The following RPH3AL variants were observed in gnomAD, a reference collection of about 807,000 sequenced individuals.
RPH3AL encodes rab effector Noc2.
Under a neutral mutation model 43.1 loss-of-function variants are expected in RPH3AL, and 38 were observed. The observed-to-expected ratio is 0.88, with a 90% CI of 0.68 to 1.15. The LOEUF is 1.15. Among genes scored for constraint, RPH3AL ranks in the 50% most tolerant of loss-of-function variants. The probability of loss-of-function intolerance (pLI) is 0.00; values close to 1 mark genes in which losing one functional copy is unlikely to be tolerated. For missense variants in RPH3AL, 462 were observed against 423.2 expected, an observed-to-expected ratio of 1.09 and a Z score of -0.81; for synonymous variants, 189 against 176.3, an observed-to-expected ratio of 1.07 and a Z score of -0.57.
At chr17:278,481 A>G (rs557270867) in intron 6 of RPH3AL, among the ~76,000 whole-genome samples, 2 of 152,274 alleles carry the variant, frequency 1.3e-5, no homozygotes, top group East Asian at 3.9e-4. Flanking sequence ...AGATCTACCA[A>G]GCACACACAT....
At chr17:318,002 A>G (rs2044344352) in intron 5 of RPH3AL, among the ~76,000 whole-genome samples, 1 of 148,158 alleles carries the variant, frequency 6.7e-6, no homozygotes, top group South Asian at 2.1e-4. Context: ...TTATTTGATC[A>G]TTACTTGTTT....
At chr17:230,981 T>C (rs11150892) in intron 7 of RPH3AL, among the ~76,000 whole-genome samples, 146,103 of 152,296 alleles carry the variant, frequency 0.96, 70,202 homozygotes, top group African/African-American at 0.99. Flanking sequence ...CCATGGCACC[T>C]GGCCTCTTGC....
intron 6 of RPH3AL, among the ~76,000 whole-genome samples, chr17:266,499 G>A (rs184701620): frequency 1.8e-3 from 268 of 152,284 alleles, no homozygotes; most frequent in Non-Finnish European, 2.6e-3. Context: ...CAGAAGATGC[G>A]CTGGAAATCA....
intron 5 of RPH3AL, among the ~76,000 whole-genome samples, chr17:314,136 G>A (rs1344783040): frequency 6.6e-6 from 1 of 152,180 alleles, no homozygotes; most frequent in Admixed American, 6.5e-5. Flanking sequence ...ACTAACCGTT[G>A]CACAGCCACA....
At chr17:304,568 G>C (rs938092388) in intron 5 of RPH3AL, among the ~76,000 whole-genome samples, 1 of 152,156 alleles carries the variant, frequency 6.6e-6, no homozygotes. Context: ...AAGGAAGTCA[G>C]GCCCCTTCTC....
intron 6 of RPH3AL, among the ~76,000 whole-genome samples, chr17:258,924 C>G (rs936139601): frequency 1.3e-5 from 2 of 151,994 alleles, no homozygotes; most frequent in Non-Finnish European, 1.5e-5. Flanking sequence ...CCATGCCCGG[C>G]GAAGTCAACC....
At chr17:299,607 G>T (rs1367957555) in intron 5 of RPH3AL, among the ~76,000 whole-genome samples, 1 of 152,250 alleles carries the variant, frequency 6.6e-6, no homozygotes, top group African/African-American at 2.4e-5. Context: ...AACAGCTGCA[G>T]GGAAATGTCC....
Position 225,226 on chromosome 17 carries a change from C to T in RPH3AL, c.614-5490G>A, listed in dbSNP as rs2041082352. On this transcript the variant is annotated intron_variant, in intron 7 of 9. Coordinates refer to ENST00000331302, the MANE Select transcript of RPH3AL (RefSeq NM_006987.4). The surrounding 1 kb of genome is among the most constrained non-coding windows in gnomAD (Gnocchi z 4.4). ...CCTGCTCCCCAGGAAGAGTTCTACTCCGGCTCCTTGGACTTTTATGATGCC... is the reference window on the plus strand; with the variant it reads ...CCTGCTCCCCAGGAAGAGTTCTACTTCGGCTCCTTGGACTTTTATGATGCC... 6.6e-6 allele frequency among the ~76,000 whole-genome samples: 1 copy of T among 151,994 alleles called. No homozygotes were observed. Among genetic ancestry groups the T allele is most frequent in the African/African-American group, 2.4e-5 (1 of 41,356 alleles).
chr17:344,348 CCAT>C lies in RPH3AL; in HGVS notation c.-213+8361_-213+8363del, dbSNP rs1177484856. ...ATCACCATCACCGTCATCATTATTA[CCAT>C]CATCATCACCAACACCACTATCATA... is the stretch of plus-strand genomic sequence containing the variant. On this transcript the variant is annotated intron_variant, in intron 1 of 9. Coordinates refer to ENST00000331302, the MANE Select transcript of RPH3AL (RefSeq NM_006987.4). Among the ~76,000 whole-genome samples, 10 of 128,578 alleles carry C rather than the reference CCAT, an allele frequency of 7.8e-5. 3 individuals carry two copies. The highest frequency in any genetic ancestry group is 3.8e-4 in the Admixed American group (5 of 13,332). The allele number at this position is 128,578 out of a possible 152,430, so 84.4% of individuals were successfully genotyped here. A position where few individuals can be genotyped will look rare whatever the true frequency, so the allele number is the denominator to read the frequency against.
intron 5 of RPH3AL, among the ~76,000 whole-genome samples, chr17:310,576 A>G (rs994947891): frequency 6.6e-6 from 1 of 152,156 alleles, no homozygotes; most frequent in Non-Finnish European, 1.5e-5. Flanking sequence ...GGAGATAAAC[A>G]GGGAGGTGGC....
At chr17:275,010 G>A (rs531695072) in intron 6 of RPH3AL, among the ~76,000 whole-genome samples, 1 of 152,276 alleles carries the variant, frequency 6.6e-6, no homozygotes, top group African/African-American at 2.4e-5. Context: ...ACGTGGTCAC[G>A]GAGAAAACAG....
chr17:314,898 C>T (rs796209499), intron 5 of RPH3AL, among the ~76,000 whole-genome samples: 4 of 142,512 alleles, frequency 2.8e-5, no homozygotes, highest in Admixed American at 6.9e-5. Context: ...CTGTGCTCCA[C>T]CTCCATTGAC....
At chr17:348,535 GAA>G (rs56974223) in intron 1 of RPH3AL, among the ~76,000 whole-genome samples, 9 of 139,668 alleles carry the variant, frequency 6.4e-5, no homozygotes, top group African/African-American at 1.8e-4. Context: ...CACTGTTCAA[GAA>G]AAAAAAAAAA....
intron 7 of RPH3AL, among the ~76,000 whole-genome samples, chr17:241,387 C>A (rs960226010): frequency 1.3e-5 from 2 of 152,060 alleles, no homozygotes; most frequent in African/African-American, 4.8e-5. Context: ...CAGAGCAATA[C>A]CCTGTCTCTA....
chr17:285,335 G>A (rs1222962333), intron 5 of RPH3AL, among the ~76,000 whole-genome samples: 3 of 152,166 alleles, frequency 2.0e-5, no homozygotes, highest in African/African-American at 7.2e-5. Flanking sequence ...TCCCGGGCAA[G>A]TCACCCAAAG....
rs978047720 is a variant in RPH3AL, at chr17:333,163, C to T, written c.-37+596G>A. 24 of 1,179,892 alleles carry T rather than the reference C, an allele frequency of 2.0e-5. No homozygotes were observed. The highest frequency in any genetic ancestry group is 1.5e-4 in the African/African-American group (9 of 60,166). The allele number at this position is 1,179,892 out of a possible 1,614,324, so 73.1% of individuals were successfully genotyped here. Reference sequence around the variant, plus strand: ...GGCCATTAGAGCTCACCACCCCGGGCGTTCGTCACTGCAGACATCACTGCA... The same window carrying T: ...GGCCATTAGAGCTCACCACCCCGGGTGTTCGTCACTGCAGACATCACTGCA... On this transcript the variant is annotated intron_variant, in intron 2 of 9. Transcript: ENST00000331302. This position sits in a 1 kb window ranked among gnomAD's most constrained non-coding sequence, Gnocchi z 4.5.
At chr17:314,850 T>G (rs2043863748) in intron 5 of RPH3AL, among the ~76,000 whole-genome samples, 1 of 151,656 alleles carries the variant, frequency 6.6e-6, no homozygotes, top group African/African-American at 2.4e-5. Context: ...TCCATTGACC[T>G]GTAGTCCCTG....
In RPH3AL at chr17:290,565, A is replaced by G. The variant is rs1034475626; in HGVS notation, c.352-8711T>C. Among the ~76,000 whole-genome samples the G allele has an allele frequency of 4.0e-5, 6 of 150,600 alleles. No individual in the cohort carries two copies. Among genetic ancestry groups the G allele is most frequent in the Non-Finnish European group, 8.9e-5 (6 of 67,736 alleles). On this transcript the variant is annotated intron_variant, in intron 5 of 9. Coordinates refer to ENST00000331302, the MANE Select transcript of RPH3AL (RefSeq NM_006987.4). The surrounding 1 kb of genome is among the most constrained non-coding windows in gnomAD (Gnocchi z 4.2). ...TTCAGTGACATTTCTGCTTCCTGCG[A>G]CTCCCCGTCCCACCCCTTCTCCTTC...
At chr17:293,480 C>CGGGGGTGGGGCAGCG (rs2043094792) in intron 5 of RPH3AL, among the ~76,000 whole-genome samples, 1 of 101,852 alleles carries the variant, frequency 9.8e-6, no homozygotes, top group Non-Finnish European at 2.1e-5. Flanking sequence ...GCCGGGGCTC[C>CGGGGGTGGGGCAGCG]GGGGGTGGGG....
Sources: gnomAD v4.1 joint callset for allele counts (sites outside exome capture counted in the v4.1 genomes callset) on GRCh38, gnomAD v4.1.1 for gene constraint, Gnocchi (gnomAD v3.1) non-coding constraint, MANE v1.5 for transcripts, NCBI Gene and HGNC (gene_info 2026-07-23, HGNC 2026-07-21) for gene names.